The following NRXN3 variants were observed in gnomAD, a reference collection of about 807,000 sequenced individuals.
NRXN3 encodes neurexin III.
A neutral mutation model predicts 137.6 loss-of-function variants in NRXN3; 32 were observed. The observed-to-expected ratio is 0.23, with a 90% CI of 0.18 to 0.31. The LOEUF is 0.31. NRXN3 is among the 10% of genes least tolerant of loss of function. The probability of loss-of-function intolerance (pLI) is 1.00; values close to 1 mark genes in which losing one functional copy is unlikely to be tolerated. For synonymous variants in NRXN3, 798 were observed against 784.5 expected (o/e 1.02, Z -0.29); for missense variants, 1,574 against 2,062.5 (o/e 0.76, Z 4.59).
chr14:79,136,654 G>A (rs762508039), intron 15 of NRXN3, among the ~76,000 whole-genome samples: 9 of 152,184 alleles, frequency 5.9e-5, no homozygotes, highest in Non-Finnish European at 1.0e-4. Context: ...TGGGGCCAAG[G>A]TCTGTGCAGC....
intron 4 of NRXN3, among the ~76,000 whole-genome samples, chr14:78,620,511 A>G (rs964656238): frequency 6.6e-6 from 1 of 152,214 alleles, no homozygotes; most frequent in African/African-American, 2.4e-5. Flanking sequence ...ACCACATAGA[A>G]CAGCAGATAT....
At chr14:78,360,488 G>T (rs185163700) in intron 4 of NRXN3, among the ~76,000 whole-genome samples, 2 of 152,142 alleles carry the variant, frequency 1.3e-5, no homozygotes. Flanking sequence ...ATGATTAAAA[G>T]CATGAGCTCT....
intron 4 of NRXN3, among the ~76,000 whole-genome samples, chr14:78,518,344 T>C (rs2096241078): frequency 1.3e-5 from 2 of 151,394 alleles, no homozygotes; most frequent in African/African-American, 4.9e-5. Flanking sequence ...TTGCAGTCTT[T>C]ATGTTTAGCA....
chr14:78,627,104 TTCTCTCTCTCTCTCTCTCTCTC>T (rs68104206), intron 4 of NRXN3, among the ~76,000 whole-genome samples: 3 of 120,986 alleles, frequency 2.5e-5, no homozygotes, highest in African/African-American at 9.4e-5. Flanking sequence ...CCTCCCTCCC[TTCTCTCTCTCTCTCTCTCTCTC>T]TCTCTCTCTC....
At chr14:78,349,928 C>T (rs2083252293) in intron 4 of NRXN3, among the ~76,000 whole-genome samples, 2 of 152,164 alleles carry the variant, frequency 1.3e-5, no homozygotes, top group South Asian at 4.1e-4. Context: ...TAGCTCCTGC[C>T]AACTTGAAGC....
At chr14:79,858,198 G>A (rs955231932) in intron 20 of NRXN3, among the ~76,000 whole-genome samples, 1 of 151,206 alleles carries the variant, frequency 6.6e-6, no homozygotes, top group Non-Finnish European at 1.5e-5. Flanking sequence ...TAAATGAGAG[G>A]GAGATAGCAA....
At chr14:79,433,677 T>C (rs1202550071) in intron 15 of NRXN3, among the ~76,000 whole-genome samples, 1 of 152,172 alleles carries the variant, frequency 6.6e-6, no homozygotes. Flanking sequence ...GAGAGTGATA[T>C]GAAGGAACTA....
chr14:78,574,415 G>T (rs2096917437), intron 4 of NRXN3, among the ~76,000 whole-genome samples: 1 of 152,250 alleles, frequency 6.6e-6, no homozygotes, highest in Non-Finnish European at 1.5e-5. Context: ...GCCAATGAAA[G>T]CAGCCGAAAG....
chr14:78,331,239 G>A (rs975389644), intron 4 of NRXN3, among the ~76,000 whole-genome samples: 21 of 152,192 alleles, frequency 1.4e-4, no homozygotes, highest in African/African-American at 5.1e-4. Flanking sequence ...GTTTGGAAGA[G>A]CCTGGCTGGA....
intron 4 of NRXN3, among the ~76,000 whole-genome samples, chr14:78,305,392 C>G (rs1466435906): frequency 6.6e-6 from 1 of 152,130 alleles, no homozygotes; most frequent in African/African-American, 2.4e-5. Flanking sequence ...ACCCTAAGAT[C>G]TATTCTAGTC....
intron 16 of NRXN3, among the ~76,000 whole-genome samples, chr14:79,657,855 T>C (rs1231118097): frequency 6.6e-6 from 1 of 152,192 alleles, no homozygotes; most frequent in Non-Finnish European, 1.5e-5. Flanking sequence ...ATGGTAGCAA[T>C]AATTTATTTT....
At chr14:78,474,006 C>T (rs781151345) in intron 4 of NRXN3, among the ~76,000 whole-genome samples, 1 of 152,108 alleles carries the variant, frequency 6.6e-6, no homozygotes, top group Non-Finnish European at 1.5e-5. Flanking sequence ...GGTTAGCTCT[C>T]AACATTATGG....
At chr14:79,650,985 A>T (rs558740617) in intron 16 of NRXN3, among the ~76,000 whole-genome samples, 2 of 152,326 alleles carry the variant, frequency 1.3e-5, no homozygotes, top group African/African-American at 2.4e-5. Context: ...CAAGACAATG[A>T]AACTGAGTTT....
intron 4 of NRXN3, among the ~76,000 whole-genome samples, chr14:78,630,815 C>G (rs760279314): frequency 6.6e-6 from 1 of 152,130 alleles, no homozygotes; most frequent in Non-Finnish European, 1.5e-5. Flanking sequence ...CCGTGTTAGC[C>G]AGGATGGTCT....
chr14:78,226,029 A>G (rs2064609704), intron 1 of NRXN3, among the ~76,000 whole-genome samples: 1 of 143,434 alleles, frequency 7.0e-6, no homozygotes, highest in Non-Finnish European at 1.5e-5. Context: ...TTTGAGATGG[A>G]GTCTTGCTCT....
intron 4 of NRXN3, among the ~76,000 whole-genome samples, chr14:78,534,546 G>A (rs1188616558): frequency 1.3e-5 from 2 of 152,224 alleles, no homozygotes; most frequent in South Asian, 2.1e-4. Context: ...AGAGCAGCCA[G>A]CCAGATACTA....
intron 10 of NRXN3, among the ~76,000 whole-genome samples, chr14:78,887,045 C>G (rs2099145852): frequency 6.6e-6 from 1 of 152,078 alleles, no homozygotes; most frequent in African/African-American, 2.4e-5. Flanking sequence ...TGCTCCAATC[C>G]TACTTACATC....
chr14:79,460,220 C>G (rs893920918), intron 15 of NRXN3, among the ~76,000 whole-genome samples: 31 of 152,132 alleles, frequency 2.0e-4, no homozygotes, highest in Admixed American at 1.3e-4. Context: ...TTGCAAATGG[C>G]ACAATTATTT....
rs10638142 is a variant in NRXN3, at chr14:78,173,709, C to CTTTTTTTTTTTTTTTTTTTTTTTTTTTTT, written c.-704+3050_-704+3051insTTTTTTTTTTTTTTTTTTTTTTTTTTTTT. On this transcript the variant is annotated intron_variant, in intron 1 of 20. Transcript: ENST00000335750. ...CGGCTCTTTTTTCCCTTTTTCCTTG[C>CTTTTTTTTTTTTTTTTTTTTTTTTTTTTT]TTTTTTTTTTTTTTTGCAACACAAC... 7.2e-5 allele frequency among the ~76,000 whole-genome samples: 5 copies of CTTTTTTTTTTTTTTTTTTTTTTTTTTTTT among 69,336 alleles called. 1 individual carries two copies. Among genetic ancestry groups the CTTTTTTTTTTTTTTTTTTTTTTTTTTTTT allele is most frequent in the Admixed American group, 4.4e-4 (2 of 4,582 alleles). 45.5% of individuals were successfully genotyped at this position (69,336 alleles called of 152,430 possible).
Sources: allele counts gnomAD v4.1 joint callset (sites outside exome capture counted in the v4.1 genomes callset), GRCh38; gene constraint gnomAD v4.1.1; transcripts MANE v1.5; gene names NCBI Gene and HGNC (gene_info 2026-07-23, HGNC 2026-07-21).